The following OR51B5 variants were observed in gnomAD, a reference collection of about 807,000 sequenced individuals.
The protein encoded by OR51B5 is olfactory receptor family 51 subfamily B member 5.
For synonymous variants in OR51B5, 186 were observed against 144.8 expected, an observed-to-expected ratio of 1.28 and a Z score of -2.04; for missense variants, 456 against 374.6, an observed-to-expected ratio of 1.22 and a Z score of -1.79.
chr11:5,380,762 G>A (rs1160186865), intron 1 of OR51B5, among the ~76,000 whole-genome samples: 2 of 152,186 alleles, frequency 1.3e-5, no homozygotes, highest in African/African-American at 2.4e-5. Context: ...ATGAGAGAGA[G>A]GAAGATCATC....
intron 1 of OR51B5, among the ~76,000 whole-genome samples, chr11:5,456,941 A>G (rs11037531): frequency 0.13 from 20,048 of 152,218 alleles, 1,602 homozygotes; most frequent in East Asian, 0.37. Flanking sequence ...TCCTCTGGAC[A>G]TCAGATGTGC....
chr11:5,369,635 C>A (rs1250642394), intron 1 of OR51B5, among the ~76,000 whole-genome samples: 1 of 152,090 alleles, frequency 6.6e-6, no homozygotes, highest in African/African-American at 2.4e-5. Flanking sequence ...TTTATCCTTA[C>A]CTTTCTATCC....
chr11:5,424,726 A>C (rs975941707), intron 1 of OR51B5, among the ~76,000 whole-genome samples: 1 of 151,060 alleles, frequency 6.6e-6, no homozygotes, highest in Admixed American at 6.6e-5. Flanking sequence ...TCACGCCTGT[A>C]ATCCCAGCAC....
At chr11:5,492,000 T>C (rs1356492421) in intron 1 of OR51B5, among the ~76,000 whole-genome samples, 1 of 152,186 alleles carries the variant, frequency 6.6e-6, no homozygotes. Context: ...AACTGCCAAA[T>C]TGCAAAGAAG....
chr11:5,352,583 C>A lies in OR51B5; in HGVS notation n.85-5673G>T, dbSNP rs1484845566. On this transcript the variant is annotated intron_variant and non_coding_transcript_variant, in intron 1 of 4. Transcript: ENST00000415970. Reference sequence around the variant, plus strand: ...AGCATTTCAGTGGAAATCAGTCAATCCCTCTGCTACTTAGAACATTATTTT... The same window carrying A: ...AGCATTTCAGTGGAAATCAGTCAATACCTCTGCTACTTAGAACATTATTTT... The A allele has an allele frequency of 8.1e-6, 5 of 616,318 alleles. No individual in the cohort carries two copies. In the African/African-American group the frequency reaches 9.2e-5, roughly 11 times the overall value. 38.2% of individuals were successfully genotyped at this position (616,318 alleles called of 1,614,324 possible).
chr11:5,365,596 G>A (rs1014998964), intron 1 of OR51B5, among the ~76,000 whole-genome samples: 7 of 152,082 alleles, frequency 4.6e-5, no homozygotes, highest in South Asian at 2.1e-4. Context: ...ACATGACATC[G>A]GTTTGCCATG....
At chr11:5,404,553 C>G (rs1414282510) in intron 1 of OR51B5, among the ~76,000 whole-genome samples, 1 of 152,140 alleles carries the variant, frequency 6.6e-6, no homozygotes. Flanking sequence ...GTAAAATGGA[C>G]CAAGAAACAG....
intron 1 of OR51B5, among the ~76,000 whole-genome samples, chr11:5,497,146 T>C (rs2133818566): frequency 6.6e-6 from 1 of 152,346 alleles, no homozygotes; most frequent in South Asian, 2.1e-4. Flanking sequence ...CTCAGCTCAT[T>C]GTAAATTACA....
chr11:5,422,429 C>G (rs774164784), intron 1 of OR51B5: 1 of 1,614,014 alleles, frequency 6.2e-7, no homozygotes, highest in Non-Finnish European at 8.5e-7. Context: ...GGGTCTCACC[C>G]TCACCACCCT....
chr11:5,412,936 G>C (rs993649710), intron 1 of OR51B5, among the ~76,000 whole-genome samples: 2 of 152,086 alleles, frequency 1.3e-5, no homozygotes, highest in African/African-American at 4.8e-5. Context: ...CTTGAAAAGA[G>C]CAGTGGTTCT....
intron 1 of OR51B5, among the ~76,000 whole-genome samples, chr11:5,418,556 GGAT>G (rs1850277197): frequency 6.6e-6 from 1 of 152,002 alleles, no homozygotes; most frequent in African/African-American, 2.4e-5. Context: ...GCCATGAAAA[GGAT>G]GAGTTCATGT....
chr11:5,431,007 G>A (rs1418392360), intron 1 of OR51B5: 4 of 456,964 alleles, frequency 8.8e-6, no homozygotes, highest in Admixed American at 7.0e-5. Context: ...CTAAGCCCAG[G>A]ATGCTGTTGA....
chr11:5,488,988 G>A (rs370177548), intron 1 of OR51B5: 1 of 1,614,078 alleles, frequency 6.2e-7, no homozygotes, highest in East Asian at 2.2e-5. Context: ...ATGCTGGTGA[G>A]ATTTCCTTTG....
chr11:5,432,860 G>T (rs1281688538), intron 1 of OR51B5, among the ~76,000 whole-genome samples: 1 of 152,138 alleles, frequency 6.6e-6, no homozygotes, highest in Non-Finnish European at 1.5e-5. Flanking sequence ...AGAGTAAACT[G>T]TGGTCTGATC....
intron 1 of OR51B5, among the ~76,000 whole-genome samples, chr11:5,501,163 C>G (rs966372269): frequency 6.8e-6 from 1 of 147,676 alleles, no homozygotes; most frequent in Non-Finnish European, 1.5e-5. Context: ...AGGACTTAAC[C>G]TGCAGCCTCT....
At chr11:5,459,570 A>AAAATAAAAAC (rs371887323) in intron 1 of OR51B5, among the ~76,000 whole-genome samples, 1 of 152,352 alleles carries the variant, frequency 6.6e-6, no homozygotes, top group African/African-American at 2.4e-5. Flanking sequence ...TGGGCAAAAG[A>AAAATAAAAAC]CATGAACAGA....
intron 1 of OR51B5, among the ~76,000 whole-genome samples, chr11:5,466,627 G>C (rs1851142196): frequency 6.6e-6 from 1 of 152,204 alleles, no homozygotes; most frequent in African/African-American, 2.4e-5. Flanking sequence ...ACTGTGTATA[G>C]AATTAGCACA....
chr11:5,493,014 C>A (rs1851601590), intron 1 of OR51B5, among the ~76,000 whole-genome samples: 1 of 152,168 alleles, frequency 6.6e-6, no homozygotes, highest in African/African-American at 2.4e-5. Flanking sequence ...TAACATCAGT[C>A]TGATCCACCG....
chr11:5,457,445 T>C (rs1358421711), intron 1 of OR51B5, among the ~76,000 whole-genome samples: 10 of 152,186 alleles, frequency 6.6e-5, no homozygotes, highest in Admixed American at 6.5e-4. Context: ...CATACAAGCG[T>C]ATGTGTCTTT....
Sources: allele counts gnomAD v4.1 joint callset (sites outside exome capture counted in the v4.1 genomes callset), GRCh38; gene constraint gnomAD v4.1.1; transcripts MANE v1.5; gene names NCBI Gene and HGNC (gene_info 2026-07-23, HGNC 2026-07-21).